Variants in RARB observed in about 807,000 individuals in gnomAD.
RARB encodes the protein retinoic acid receptor beta, also known as HBV-activated protein.
Under a neutral mutation model 51.9 loss-of-function variants are expected in RARB, and 17 were observed. The observed-to-expected ratio is 0.33, with a 90% CI of 0.22 to 0.49. The LOEUF is 0.49. Among genes scored for constraint, RARB ranks in the 20% least tolerant of loss-of-function variants. RARB has a pLI of 0.99. For missense variants in RARB, 369 were observed against 550.8 expected (o/e 0.67, Z 3.30); for synonymous variants, 215 against 195.4 (o/e 1.10, Z -0.84).
chr3:24,856,109 A>C (rs190768266), intron 1 of RARB, among the ~76,000 whole-genome samples: 1 of 152,216 alleles, frequency 6.6e-6, no homozygotes, highest in African/African-American at 2.4e-5. Context: ...CAATATTTTG[A>C]GTATCTTCAT....
At chr3:24,884,321 G>GA (rs1444334094) in intron 2 of RARB, among the ~76,000 whole-genome samples, 1 of 152,084 alleles carries the variant, frequency 6.6e-6, no homozygotes, top group African/African-American at 2.4e-5. Flanking sequence ...CTATTACACT[G>GA]AAATATGAAA....
intron 2 of RARB, among the ~76,000 whole-genome samples, chr3:24,910,651 T>A (rs991762185): frequency 6.6e-6 from 1 of 152,214 alleles, no homozygotes; most frequent in Admixed American, 6.5e-5. Context: ...TTTCTCAATA[T>A]TGAATTTGGA....
At chr3:25,443,400 C>G (rs556205996) in intron 1 of RARB, among the ~76,000 whole-genome samples, 7 of 143,826 alleles carry the variant, frequency 4.9e-5, no homozygotes, top group Middle Eastern at 3.8e-3. Flanking sequence ...TTATTGCTCC[C>G]CCTTGTCCCC....
intron 1 of RARB, among the ~76,000 whole-genome samples, chr3:25,439,489 T>G (rs957801230): frequency 6.6e-6 from 1 of 152,150 alleles, no homozygotes; most frequent in African/African-American, 2.4e-5. Context: ...CACTGCAGCC[T>G]CAACCTGCTG....
chr3:25,173,256 T>C (rs902849259), intron 4 of RARB, among the ~76,000 whole-genome samples: 3 of 152,244 alleles, frequency 2.0e-5, no homozygotes, highest in Non-Finnish European at 2.9e-5. Context: ...TTTAGACTTC[T>C]TTAACAATAT....
intron 5 of RARB, among the ~76,000 whole-genome samples, chr3:25,588,219 TCA>T (rs775668841): frequency 1.3e-5 from 2 of 152,202 alleles, no homozygotes; most frequent in Non-Finnish European, 2.9e-5. Context: ...TATGGGTGAA[TCA>T]CACAGAGAAT....
chr3:25,563,494 G>T (rs1269794284), intron 3 of RARB, among the ~76,000 whole-genome samples: 1 of 152,152 alleles, frequency 6.6e-6, no homozygotes, highest in African/African-American at 2.4e-5. Flanking sequence ...CCTTCAGGCA[G>T]ATTCTGATGT....
chr3:24,945,713 C>T (rs1290993587), intron 2 of RARB, among the ~76,000 whole-genome samples: 1 of 152,230 alleles, frequency 6.6e-6, no homozygotes, highest in African/African-American at 2.4e-5. Flanking sequence ...TATATGCTGG[C>T]CTCCAGCCAA....
intron 3 of RARB, among the ~76,000 whole-genome samples, chr3:25,125,930 G>A (rs7646062): frequency 0.47 from 71,196 of 151,918 alleles, 17,206 homozygotes; most frequent in East Asian, 0.69. Flanking sequence ...GACTTCTCCA[G>A]GCAGGAAAAC....
In RARB at chr3:25,492,725, C is replaced by A. The variant is rs571304101; in HGVS notation, c.307-8457C>A. Among the ~76,000 whole-genome samples, 14 of 152,284 alleles carry A rather than the reference C, an allele frequency of 9.2e-5. No individual in the cohort carries two copies. In the East Asian group the frequency reaches 1.2e-3, roughly 13 times the overall value. On this transcript the variant is annotated intron_variant, in intron 2 of 7. Coordinates refer to ENST00000330688, the MANE Select transcript of RARB (RefSeq NM_000965.5). ...CTGTAATCTCTGCCTTCTTTAGAAC[C>A]ATTTTTCTACGCATATTTTCAAAAT...
At chr3:25,440,690 T>C (rs1310343763) in intron 1 of RARB, among the ~76,000 whole-genome samples, 2 of 151,660 alleles carry the variant, frequency 1.3e-5, no homozygotes, top group African/African-American at 4.8e-5. Flanking sequence ...GGAGAATCGC[T>C]TGAACCGGGG....
intron 2 of RARB, among the ~76,000 whole-genome samples, chr3:24,929,523 A>G (rs1015081211): frequency 1.3e-5 from 2 of 152,142 alleles, no homozygotes; most frequent in Non-Finnish European, 2.9e-5. Flanking sequence ...AAATGTTTTT[A>G]AGCAAAAAAG....
At chr3:25,045,923 C>A (rs1698205012) in intron 2 of RARB, among the ~76,000 whole-genome samples, 1 of 152,136 alleles carries the variant, frequency 6.6e-6, no homozygotes, top group Admixed American at 6.5e-5. Context: ...TTTTATTATA[C>A]ATAGGAAAAT....
intron 2 of RARB, among the ~76,000 whole-genome samples, chr3:25,000,950 C>T (rs986332163): frequency 2.0e-5 from 3 of 152,040 alleles, no homozygotes; most frequent in African/African-American, 7.2e-5. Flanking sequence ...GCAGTTGATA[C>T]TTGGACAAAA....
intron 2 of RARB, among the ~76,000 whole-genome samples, chr3:25,483,809 A>G (rs2125584627): frequency 6.6e-6 from 1 of 152,334 alleles, no homozygotes; most frequent in East Asian, 1.9e-4. Context: ...CTGATAGAGC[A>G]CAGTTTAAAA....
At chr3:25,109,192 T>C in intron 3 of RARB, among the ~76,000 whole-genome samples, 1 of 152,234 alleles carries the variant, frequency 6.6e-6, no homozygotes, top group East Asian at 1.9e-4. Context: ...TCATATAATA[T>C]TAAAATAGTA....
chr3:25,041,504 T>C (rs1180971360), intron 2 of RARB, among the ~76,000 whole-genome samples: 1 of 151,748 alleles, frequency 6.6e-6, no homozygotes, highest in Non-Finnish European at 1.5e-5. Flanking sequence ...GAGGAAGACA[T>C]TAGGGAACAT....
chr3:24,968,779 G>A (rs547394813), intron 2 of RARB, among the ~76,000 whole-genome samples: 52 of 152,238 alleles, frequency 3.4e-4, no homozygotes, highest in South Asian at 2.7e-3. Context: ...ACCATTGGCC[G>A]AAGCAAGTCA....
At chr3:25,543,613 G>T (rs879547938) in intron 3 of RARB, among the ~76,000 whole-genome samples, 2 of 125,424 alleles carry the variant, frequency 1.6e-5, no homozygotes, top group East Asian at 2.3e-4. Flanking sequence ...GTGGCCATTT[G>T]GGGAACTATT....
Sources: gnomAD v4.1 joint callset for allele counts (sites outside exome capture counted in the v4.1 genomes callset) on GRCh38, gnomAD v4.1.1 for gene constraint, MANE v1.5 for transcripts, NCBI Gene and HGNC (gene_info 2026-07-23, HGNC 2026-07-21) for gene names.